Variants in COL5A2 observed in about 807,000 individuals in gnomAD.
The protein encoded by COL5A2 is collagen alpha-2(V) chain.
COL5A2 carries 23 observed loss-of-function variants against 208.2 expected under a neutral mutation model. The observed-to-expected ratio is 0.11, with a 90% confidence interval of 0.08 to 0.16. The LOEUF (loss-of-function observed/expected upper bound fraction) is 0.16. Ranked by LOEUF, COL5A2 falls within the 10% of genes least tolerant of loss-of-function variation. The probability of loss-of-function intolerance (pLI) is 1.00; values close to 1 mark genes in which losing one functional copy is unlikely to be tolerated. For synonymous variants in COL5A2, 625 were observed against 628.5 expected (o/e 0.99, Z 0.08); for missense variants, 1,590 against 1,956.4 (o/e 0.81, Z 3.53).
chr2:189,067,934 T>G, intron 21 of COL5A2, 81 bp downstream of exon 21: 2 of 1,140,496 alleles, frequency 1.8e-6, no homozygotes, highest in Non-Finnish European at 2.7e-6. Context: ...TATGTTTCAT[T>G]GCATCACATG....
chr2:189,434,682 C>T, the COL5A2 span, among the ~76,000 whole-genome samples: 2 of 152,154 alleles, frequency 1.3e-5, no homozygotes, highest in African/African-American at 4.8e-5. Flanking sequence ...AAAGAGGACA[C>T]AAACAAATGG....
At chr2:189,374,452 T>C in the COL5A2 span, among the ~76,000 whole-genome samples, 168 of 152,186 alleles carry the variant, frequency 1.1e-3, no homozygotes, top group African/African-American at 3.6e-3. Flanking sequence ...CTTTCACTTA[T>C]CATACTTAAA....
chr2:189,351,573 T>C, the COL5A2 span, among the ~76,000 whole-genome samples: 1 of 152,174 alleles, frequency 6.6e-6, no homozygotes, highest in African/African-American at 2.4e-5. Flanking sequence ...AAACAGTCAA[T>C]ACTTACATAT....
chr2:189,340,612 A>T, the COL5A2 span, among the ~76,000 whole-genome samples: 1 of 152,122 alleles, frequency 6.6e-6, no homozygotes, highest in Non-Finnish European at 1.5e-5. Flanking sequence ...AAAATATATA[A>T]CTAATTTTAG....
intron 6 of COL5A2, among the ~76,000 whole-genome samples, chr2:189,093,889 T>A (rs1046381543): frequency 6.6e-6 from 1 of 152,314 alleles, no homozygotes; most frequent in Admixed American, 6.5e-5. Context: ...TCATACAGCC[T>A]TGTGTAGAAA....
intron 6 of COL5A2, among the ~76,000 whole-genome samples, chr2:189,093,576 T>G (rs960182570): frequency 6.6e-6 from 1 of 152,158 alleles, no homozygotes; most frequent in Non-Finnish European, 1.5e-5. Flanking sequence ...TATTTAAACA[T>G]TTATATAGAC....
At chr2:189,425,691 T>C in the COL5A2 span, among the ~76,000 whole-genome samples, 1 of 152,196 alleles carries the variant, frequency 6.6e-6, no homozygotes, top group Non-Finnish European at 1.5e-5. Flanking sequence ...TGGGGCCTTG[T>C]GGAAGGTGCT....
chr2:189,242,885 G>T, the COL5A2 span, among the ~76,000 whole-genome samples: 1 of 152,166 alleles, frequency 6.6e-6, no homozygotes, highest in South Asian at 2.1e-4. Context: ...TAAGTAGGAA[G>T]GGGCAGCCTA....
the COL5A2 span, among the ~76,000 whole-genome samples, chr2:189,415,249 T>A: frequency 0.012 from 1,771 of 152,278 alleles, 33 homozygotes; most frequent in African/African-American, 0.039. Context: ...CTTCAGTTAT[T>A]TAGGGTAAAT....
the COL5A2 span, among the ~76,000 whole-genome samples, chr2:189,348,961 C>T: frequency 6.4e-3 from 978 of 152,230 alleles, 3 homozygotes; most frequent in Non-Finnish European, 0.011. Context: ...ATCTTCACAA[C>T]ATTTTAAAGA....
At chr2:189,076,833 C>T (rs1686415915) in intron 16 of COL5A2, among the ~76,000 whole-genome samples, 1 of 152,112 alleles carries the variant, frequency 6.6e-6, no homozygotes, top group South Asian at 2.1e-4. Context: ...GTAATTCCAG[C>T]ACTTTGGGAG....
At chr2:189,173,494 T>C (rs1291677256) in intron 1 of COL5A2, among the ~76,000 whole-genome samples, 1 of 152,196 alleles carries the variant, frequency 6.6e-6, no homozygotes, top group Non-Finnish European at 1.5e-5. Context: ...GATAGAGTAC[T>C]TCCCATGCAA....
At chr2:189,233,574 A>G in the COL5A2 span, among the ~76,000 whole-genome samples, 749 of 151,810 alleles carry the variant, frequency 4.9e-3, 16 homozygotes, top group Non-Finnish European at 5.6e-3. Context: ...AAGTTAAACA[A>G]TATTTTTCTT....
chr2:189,200,201 G>A (rs1219041356), intron 1 of COL5A2, among the ~76,000 whole-genome samples: 1 of 152,088 alleles, frequency 6.6e-6, no homozygotes, highest in Non-Finnish European at 1.5e-5. Flanking sequence ...TACCTTGATG[G>A]TATAAAAAAT....
At chr2:189,395,777 A>C in the COL5A2 span, among the ~76,000 whole-genome samples, 96 of 151,634 alleles carry the variant, frequency 6.3e-4, no homozygotes, top group Non-Finnish European at 1.2e-3. Flanking sequence ...GTGTGATGGC[A>C]GGTACCTGTA....
intron 51 of COL5A2, among the ~76,000 whole-genome samples, chr2:189,038,489 T>C (rs1685487868): frequency 6.6e-6 from 1 of 152,160 alleles, no homozygotes; most frequent in Admixed American, 6.5e-5. Flanking sequence ...CAGTGATGAA[T>C]ACATGAATTC....
chr2:189,329,524 A>G, the COL5A2 span, among the ~76,000 whole-genome samples: 3 of 152,230 alleles, frequency 2.0e-5, no homozygotes, highest in Admixed American at 2.0e-4. Context: ...TTTGCTAATT[A>G]GCTTGATTTT....
the COL5A2 span, among the ~76,000 whole-genome samples, chr2:189,366,819 A>G: frequency 6.6e-6 from 1 of 152,204 alleles, no homozygotes; most frequent in East Asian, 1.9e-4. Flanking sequence ...ACTTTGTGCT[A>G]CAATATCAGC....
intron 53 of COL5A2, 113 bp downstream of exon 53, chr2:189,034,803 A>G: frequency 1.6e-6 from 2 of 1,212,792 alleles, no homozygotes; most frequent in African/African-American, 1.5e-5. Flanking sequence ...ACAAACTGCT[A>G]TTATGCTCAT....
Sources: allele counts gnomAD v4.1 joint callset (sites outside exome capture counted in the v4.1 genomes callset), GRCh38; gene constraint gnomAD v4.1.1; transcripts MANE v1.5; gene names NCBI Gene and HGNC (gene_info 2026-07-23, HGNC 2026-07-21).